The following NTRK3 variants were observed in gnomAD, a reference collection of about 807,000 sequenced individuals.
The protein encoded by NTRK3 is NT-3 growth factor receptor.
In NTRK3, 24 loss-of-function variants were observed where a neutral mutation model predicts 91.7. That is an observed-to-expected ratio of 0.26 (90% CI 0.19 to 0.37). The LOEUF is 0.37. Among genes scored for constraint, NTRK3 ranks in the 10% least tolerant of loss-of-function variants. The pLI is 1.00. For missense variants in NTRK3, 880 were observed against 1,068.9 expected, an observed-to-expected ratio of 0.82 and a Z score of 2.46; for synonymous variants, 483 against 404.0, an observed-to-expected ratio of 1.20 and a Z score of -2.34.
intron 13 of NTRK3, chr15:88,098,513 G>T (rs2049856131): frequency 4.5e-6 from 1 of 219,858 alleles, no homozygotes. Flanking sequence ...AACCTGGGTG[G>T]GATGGAAATA....
At chr15:88,128,986 C>T (rs372294266) in intron 10 of NTRK3, among the ~76,000 whole-genome samples, 16 of 152,258 alleles carry the variant, frequency 1.1e-4, no homozygotes, top group Middle Eastern at 3.4e-3. Flanking sequence ...CATCTAGGAA[C>T]GAGAAACCAA....
chr15:88,074,613 C>G (rs916810468), intron 13 of NTRK3, among the ~76,000 whole-genome samples: 1 of 152,132 alleles, frequency 6.6e-6, no homozygotes, highest in East Asian at 1.9e-4. Flanking sequence ...TGGCTTGGGT[C>G]ACTCCCACCC....
At chr15:88,055,503 A>G (rs1472720659) in intron 13 of NTRK3, among the ~76,000 whole-genome samples, 1 of 152,190 alleles carries the variant, frequency 6.6e-6, no homozygotes, top group Non-Finnish European at 1.5e-5. Context: ...TCATCATTAT[A>G]ATCTTCATCA....
At chr15:88,174,989 C>G (rs544084841) in intron 5 of NTRK3, among the ~76,000 whole-genome samples, 1 of 152,192 alleles carries the variant, frequency 6.6e-6, no homozygotes, top group East Asian at 1.9e-4. Flanking sequence ...CAAAACTTTC[C>G]CTGTAATAAC....
chr15:87,979,391 A>C, intron 14 of NTRK3: 1 of 1,614,088 alleles, frequency 6.2e-7, no homozygotes, highest in Non-Finnish European at 8.5e-7. Context: ...GACATCCTCA[A>C]CATAGATGCC....
chr15:87,874,653 T>C, exon 19 of NTRK3: 1 of 232,652 alleles, frequency 4.3e-6, no homozygotes, highest in East Asian at 6.1e-5. Context: ...ACAGGAGCAT[T>C]GGTGCTTCAC....
At chr15:87,890,615 T>C (rs2065808843) in intron 17 of NTRK3, among the ~76,000 whole-genome samples, 1 of 151,018 alleles carries the variant, frequency 6.6e-6, no homozygotes, top group Non-Finnish European at 1.5e-5. Flanking sequence ...ACACTTGAAG[T>C]GTTTCATTCT....
intron 17 of NTRK3, among the ~76,000 whole-genome samples, chr15:87,885,415 G>A (rs190297467): frequency 2.6e-5 from 4 of 151,848 alleles, no homozygotes; most frequent in Admixed American, 1.3e-4. Flanking sequence ...ACCCAAAATT[G>A]ATCTAAAGTA....
Position 88,044,254 on chromosome 15 carries a change from C to CTTTTTTTTTTTT in NTRK3, c.1397-11221_1397-11210dup, listed in dbSNP as rs1181028004. The stretch of plus-strand genomic sequence containing the variant: ...GCTGTGGGATTCCCAAGTCTATGTT[C>CTTTTTTTTTTTT]TTTTTTTTTTTTTTTTTTTTTTTTG... On this transcript the variant is annotated intron_variant, in intron 13 of 18. Transcript: ENST00000394480. 3.8e-5 allele frequency among the ~76,000 whole-genome samples: 3 copies of CTTTTTTTTTTTT among 78,486 alleles called. 1 individual carries two copies. The highest frequency in any genetic ancestry group is 7.0e-5 in the Non-Finnish European group (3 of 43,006). 51.5% of individuals were successfully genotyped at this position (78,486 alleles called of 152,430 possible). A position where few individuals can be genotyped will look rare whatever the true frequency, so the allele number is the denominator to read the frequency against.
chr15:87,924,382 G>A (rs1299713674), intron 17 of NTRK3, among the ~76,000 whole-genome samples: 1 of 151,996 alleles, frequency 6.6e-6, no homozygotes, highest in Non-Finnish European at 1.5e-5. Flanking sequence ...AGGAGTTTCT[G>A]GGAACCCTGA....
intron 3 of NTRK3, among the ~76,000 whole-genome samples, chr15:88,252,036 G>A (rs1386787196): frequency 6.6e-6 from 1 of 152,120 alleles, no homozygotes; most frequent in African/African-American, 2.4e-5. Flanking sequence ...GCCTTTCCTT[G>A]GTGGAAAACC....
intron 14 of NTRK3, chr15:87,979,074 T>C (rs1414432852): frequency 3.6e-6 from 2 of 551,402 alleles, no homozygotes; most frequent in Non-Finnish European, 6.5e-6. Flanking sequence ...TTTAATTCTC[T>C]TTATTGGCTC....
At chr15:87,934,345 T>A (rs2069080641) in intron 15 of NTRK3, among the ~76,000 whole-genome samples, 1 of 152,216 alleles carries the variant, frequency 6.6e-6, no homozygotes, top group African/African-American at 2.4e-5. Flanking sequence ...GAAGTGAGTG[T>A]AATATTGGCT....
chr15:88,033,176 T>TTATAAATATATATATA lies in NTRK3; in HGVS notation c.1397-132_1397-131insTATATATATATTTATA, dbSNP rs2078722102. The stretch of plus-strand genomic sequence containing the variant: ...CTTTTTTTTACTTTTGGGGGGTGTG[T>TTATAAATATATATATA]TATATATATATATATATATATATAT... On this transcript the variant is annotated intron_variant, in intron 13 of 18. Coordinates refer to ENST00000394480, the Ensembl canonical transcript of NTRK3. 4 of 192,404 alleles carry TTATAAATATATATATA rather than the reference T, an allele frequency of 2.1e-5. No individual in the cohort carries two copies. The African/African-American group carries it at 2.5e-4, about 12-fold the overall frequency. 11.9% of individuals were successfully genotyped at this position (192,404 alleles called of 1,614,324 possible). A position where few individuals can be genotyped will look rare whatever the true frequency, so the allele number is the denominator to read the frequency against.
intron 14 of NTRK3, chr15:87,946,241 A>C (rs1189515983): frequency 1.3e-5 from 2 of 152,122 alleles, no homozygotes; most frequent in African/African-American, 4.8e-5. Flanking sequence ...AGAGGCCAAA[A>C]CAGTTTGCGG....
chr15:88,022,024 T>G (rs1285621138), intron 14 of NTRK3, among the ~76,000 whole-genome samples: 1 of 152,152 alleles, frequency 6.6e-6, no homozygotes, highest in East Asian at 1.9e-4. Flanking sequence ...CCCTAAGCCC[T>G]TCCCTTACCC....
exon 14 of NTRK3, chr15:88,033,028 T>C (rs1394069364): frequency 1.3e-6 from 2 of 1,593,108 alleles, no homozygotes; most frequent in South Asian, 1.1e-5. Flanking sequence ...TCCTCACCAC[T>C]GATGACAGCC....
At chr15:88,232,038 G>A (rs1025630367) in intron 3 of NTRK3, among the ~76,000 whole-genome samples, 7 of 151,946 alleles carry the variant, frequency 4.6e-5, no homozygotes, top group Admixed American at 6.6e-5. Context: ...GACCCTCCCC[G>A]AGTGAATCCC....
intron 5 of NTRK3, among the ~76,000 whole-genome samples, chr15:88,148,736 A>G (rs2043106944): frequency 6.6e-6 from 1 of 152,194 alleles, no homozygotes. Flanking sequence ...ACCTAGTCTA[A>G]TTACCATTTT....
Sources: allele counts gnomAD v4.1 joint callset (sites outside exome capture counted in the v4.1 genomes callset), GRCh38; gene constraint gnomAD v4.1.1; transcripts MANE v1.5; gene names NCBI Gene and HGNC (gene_info 2026-07-23, HGNC 2026-07-21).